The following DNAJC15 variants were observed in gnomAD, a reference collection of about 807,000 sequenced individuals.
DNAJC15 encodes the protein DnaJ heat shock protein family (Hsp40) member C15.
A neutral mutation model predicts 22.4 loss-of-function variants in DNAJC15; 27 were observed. That is an observed-to-expected ratio of 1.20 (90% CI 0.89 to 1.66). DNAJC15 has a LOEUF of 1.66. Ranked by LOEUF, DNAJC15 falls within the 40% of genes most tolerant of loss-of-function variation. The pLI, the probability that DNAJC15 is intolerant of heterozygous loss-of-function variation, is 0.00. For missense variants in DNAJC15, 208 were observed against 187.1 expected (o/e 1.11, Z -0.65); for synonymous variants, 79 against 63.2 (o/e 1.25, Z -1.19).
At chr13:43,103,389 T>C (rs1341330225) in intron 5 of DNAJC15, among the ~76,000 whole-genome samples, 1 of 152,214 alleles carries the variant, frequency 6.6e-6, no homozygotes, top group Admixed American at 6.5e-5. Context: ...TTTACAGGGG[T>C]ACACTGTTAT....
intron 1 of DNAJC15, among the ~76,000 whole-genome samples, chr13:43,025,022 T>A (rs941804253): frequency 4.0e-5 from 6 of 151,764 alleles, no homozygotes; most frequent in Admixed American, 1.3e-4. Context: ...ATTTCGCCAC[T>A]GCACTCCAGC....
chr13:43,084,839 A>G (rs2040679610), intron 4 of DNAJC15, among the ~76,000 whole-genome samples: 1 of 152,048 alleles, frequency 6.6e-6, no homozygotes. Context: ...TTTTTTCACA[A>G]AGCTAAATAA....
intron 5 of DNAJC15, among the ~76,000 whole-genome samples, chr13:43,100,416 G>C (rs1383700185): frequency 6.6e-6 from 1 of 151,814 alleles, no homozygotes; most frequent in Non-Finnish European, 1.5e-5. Flanking sequence ...CCCTGTTTCT[G>C]AGGCTGGTGG....
At chr13:43,055,810 G>C (rs1279087624) in intron 1 of DNAJC15, among the ~76,000 whole-genome samples, 7 of 152,088 alleles carry the variant, frequency 4.6e-5, no homozygotes, top group Non-Finnish European at 1.5e-5. Context: ...TCCTTGAGGT[G>C]TGACCTTACA....
At chr13:43,077,357 A>C (rs953290355) in intron 3 of DNAJC15, among the ~76,000 whole-genome samples, 5 of 152,220 alleles carry the variant, frequency 3.3e-5, no homozygotes, top group African/African-American at 9.7e-5. Flanking sequence ...CTCTTAGCAT[A>C]AACAACTCCA....
intron 1 of DNAJC15, among the ~76,000 whole-genome samples, chr13:43,026,675 CAATG>C (rs34595923): frequency 0.26 from 39,421 of 151,784 alleles, 5,231 homozygotes; most frequent in African/African-American, 0.34. Flanking sequence ...TAATGTTTGT[CAATG>C]AGTTAAAGAA....
chr13:43,097,293 G>A (rs1359505803), intron 5 of DNAJC15, among the ~76,000 whole-genome samples: 1 of 152,182 alleles, frequency 6.6e-6, no homozygotes, highest in African/African-American at 2.4e-5. Context: ...GAAACACCAA[G>A]TGCATAGGTC....
rs1344759395 is a variant in DNAJC15 at position 43,107,948 on chromosome 13, T to G, written c.*700T>G. The G allele has an allele frequency of 6.6e-6, 1 of 152,558 alleles. No homozygotes were observed. The highest frequency in any genetic ancestry group is 1.5e-5 in the Non-Finnish European group (1 of 68,016). The allele number at this position is 152,558 out of a possible 1,614,324, so 9.5% of individuals were successfully genotyped here. On this transcript the variant is annotated 3_prime_UTR_variant, in exon 6 of 6. Transcript: ENST00000379221. ...ATTATAGTCTTCCAGTACTGTATAT[T>G]CATTCATTACTCATTCTACAAATAT...
intron 5 of DNAJC15, among the ~76,000 whole-genome samples, chr13:43,096,797 C>T (rs2040741886): frequency 6.6e-6 from 1 of 152,150 alleles, no homozygotes; most frequent in Non-Finnish European, 1.5e-5. Flanking sequence ...CAAAAAATGA[C>T]ATGTGATTTC....
intron 2 of DNAJC15, among the ~76,000 whole-genome samples, chr13:43,066,978 C>A (rs2040587441): frequency 6.6e-6 from 1 of 152,190 alleles, no homozygotes; most frequent in Non-Finnish European, 1.5e-5. Context: ...CATTAACTTA[C>A]AGCAGTTTTA....
At chr13:43,098,344 G>A (rs2040751276) in intron 5 of DNAJC15, among the ~76,000 whole-genome samples, 1 of 152,186 alleles carries the variant, frequency 6.6e-6, no homozygotes, top group Non-Finnish European at 1.5e-5. Flanking sequence ...TGGAAAAAGT[G>A]ATGTGCAGAT....
chr13:43,102,563 C>G (rs2040775317), intron 5 of DNAJC15, among the ~76,000 whole-genome samples: 1 of 152,114 alleles, frequency 6.6e-6, no homozygotes. Flanking sequence ...GAGCCAAGAT[C>G]TAGCCATTGC....
intron 1 of DNAJC15, among the ~76,000 whole-genome samples, chr13:43,060,796 G>A (rs1406412432): frequency 6.6e-6 from 1 of 152,172 alleles, no homozygotes; most frequent in Non-Finnish European, 1.5e-5. Flanking sequence ...GTATAGAGGT[G>A]GGAAGGCCAA....
intron 3 of DNAJC15, among the ~76,000 whole-genome samples, chr13:43,070,056 G>T (rs745537822): frequency 6.6e-6 from 1 of 152,074 alleles, no homozygotes; most frequent in Non-Finnish European, 1.5e-5. Context: ...CATAAAACCA[G>T]AAATTTTCAA....
intron 5 of DNAJC15, among the ~76,000 whole-genome samples, chr13:43,101,641 T>C (rs1181167034): frequency 6.6e-6 from 1 of 152,224 alleles, no homozygotes; most frequent in Non-Finnish European, 1.5e-5. Flanking sequence ...AAGTCCATTA[T>C]ATCATTCTTA....
In DNAJC15 at chr13:43,035,152, C is replaced by G. The variant is rs146965374; in HGVS notation, c.108+11418C>G. ...ATTTTTCCCTGAAGCTTCAGTAAAG[C>G]GCTTTTGTGTTTGTTTAGTTTGGGC... On this transcript the variant is annotated intron_variant, in intron 1 of 5. Coordinates refer to ENST00000379221, the MANE Select transcript of DNAJC15 (RefSeq NM_013238.3). 4.5e-4 allele frequency among the ~76,000 whole-genome samples: 69 copies of G among 152,150 alleles called. No individual in the cohort carries two copies. The East Asian group carries it at 0.012, about 26-fold the overall frequency.
chr13:43,047,067 T>A (rs1448757092), intron 1 of DNAJC15, among the ~76,000 whole-genome samples: 1 of 152,100 alleles, frequency 6.6e-6, no homozygotes, highest in Non-Finnish European at 1.5e-5. Flanking sequence ...GAACCCCAGG[T>A]CAGAGAACAA....
chr13:43,058,684 A>G (rs538306588), intron 1 of DNAJC15, among the ~76,000 whole-genome samples: 148 of 152,272 alleles, frequency 9.7e-4, no homozygotes, highest in African/African-American at 3.5e-3. Flanking sequence ...AATTATCACA[A>G]AGTTCATCTG....
intron 1 of DNAJC15, among the ~76,000 whole-genome samples, chr13:43,025,017 G>A (rs1284512695): frequency 1.3e-5 from 2 of 151,510 alleles, no homozygotes; most frequent in Non-Finnish European, 1.5e-5. Context: ...CTATGATTTC[G>A]CCACTGCACT....
Sources: allele counts gnomAD v4.1 joint callset (sites outside exome capture counted in the v4.1 genomes callset), GRCh38; gene constraint gnomAD v4.1.1; transcripts MANE v1.5; gene names NCBI Gene and HGNC (gene_info 2026-07-23, HGNC 2026-07-21).